The following GREB1L variants were observed in gnomAD, a reference collection of about 807,000 sequenced individuals.
GREB1L encodes GREB1-like protein.
Under a neutral mutation model 200.8 loss-of-function variants are expected in GREB1L, and 17 were observed. That is an observed-to-expected ratio of 0.08 (90% CI 0.06 to 0.13). The LOEUF (loss-of-function observed/expected upper bound fraction) is 0.13. Ranked by LOEUF, GREB1L falls within the 10% of genes least tolerant of loss-of-function variation. The pLI is 1.00. For synonymous variants in GREB1L, 789 were observed against 893.0 expected, an observed-to-expected ratio of 0.88 and a Z score of 2.08; for missense variants, 1,657 against 2,367.7, an observed-to-expected ratio of 0.70 and a Z score of 6.23.
intron 4 of GREB1L, among the ~76,000 whole-genome samples, chr18:21,387,902 C>T (rs2040610996): frequency 6.6e-6 from 1 of 152,098 alleles, no homozygotes; most frequent in South Asian, 2.1e-4. Context: ...TTAAATATTG[C>T]TGTTTGCATA....
chr18:21,520,539 C>A, intron 31 of GREB1L, 149 bp from the exon 32 acceptor site: 1 of 823,226 alleles, frequency 1.2e-6, no homozygotes, highest in Non-Finnish European at 1.9e-6. Flanking sequence ...CTTAACTAAC[C>A]AAGCCATTTA....
chr18:21,324,075 A>T (rs1460211790), intron 1 of GREB1L, among the ~76,000 whole-genome samples: 3 of 152,192 alleles, frequency 2.0e-5, no homozygotes, highest in Admixed American at 6.5e-5. Context: ...TGGGTATTTG[A>T]TTACTTTTAG....
chr18:21,488,565 A>G (rs949990137), intron 18 of GREB1L, among the ~76,000 whole-genome samples: 2 of 152,342 alleles, frequency 1.3e-5, no homozygotes, highest in Admixed American at 6.5e-5. Context: ...AAGAAAGTGC[A>G]CAGCCCCAGC....
At chr18:21,422,282 G>T (rs2032219440) in intron 7 of GREB1L, among the ~76,000 whole-genome samples, 2 of 152,054 alleles carry the variant, frequency 1.3e-5, no homozygotes, top group Non-Finnish European at 2.9e-5. Context: ...ATATTTAGGG[G>T]CTACTCCCAA....
intron 27 of GREB1L, among the ~76,000 whole-genome samples, chr18:21,509,192 T>C (rs1215474341): frequency 6.6e-6 from 1 of 152,258 alleles, no homozygotes; most frequent in African/African-American, 2.4e-5. Flanking sequence ...AGACTGTAGA[T>C]GTCAGAATGC....
chr18:21,418,483 G>A (rs903147228), intron 7 of GREB1L, among the ~76,000 whole-genome samples: 6 of 151,804 alleles, frequency 4.0e-5, no homozygotes, highest in African/African-American at 1.5e-4. Context: ...TTTTATTGTT[G>A]TATTTTTATT....
intron 2 of GREB1L, 46 bp from the exon 3 acceptor site, chr18:21,383,464 A>G: frequency 1.5e-6 from 2 of 1,372,132 alleles, no homozygotes; most frequent in Non-Finnish European, 1.9e-6. Flanking sequence ...TAGAACCTCT[A>G]ATTATATCAA....
intron 1 of GREB1L, among the ~76,000 whole-genome samples, chr18:21,310,026 A>C (rs1006295856): frequency 6.6e-6 from 1 of 152,234 alleles, no homozygotes; most frequent in Non-Finnish European, 1.5e-5. Context: ...AAAATGTTCT[A>C]TACAGTAGTC....
chr18:21,404,145 G>A (rs1410434485), intron 7 of GREB1L, among the ~76,000 whole-genome samples, 151 bp downstream of exon 7: 10 of 152,206 alleles, frequency 6.6e-5, no homozygotes, highest in Non-Finnish European at 1.0e-4. Context: ...ATTCAGCCTT[G>A]AGATGGGTTA....
chr18:21,296,666 T>G (rs1023195795), intron 1 of GREB1L, among the ~76,000 whole-genome samples: 6 of 151,904 alleles, frequency 3.9e-5, no homozygotes, highest in East Asian at 1.9e-4. Flanking sequence ...TTTGTTTTTT[T>G]TTTTTTGAGA....
At position 21,440,352 on chromosome 18, in the gene GREB1L, G is replaced by A. The variant is rs2145246090; in HGVS notation, c.1033G>A (p.Val345Ile). The A allele has an allele frequency of 6.4e-7, 1 of 1,551,746 alleles. No homozygotes were observed. Among genetic ancestry groups the A allele is most frequent in the East Asian group, 2.4e-5 (1 of 40,906 alleles). Residue 345 changes from valine to isoleucine, a missense_variant, in exon 9 of 33, where the codon GTA becomes ATA. Val to Ile is a conservative substitution (Grantham distance 29). Coordinates refer to ENST00000424526, the MANE Select transcript of GREB1L (RefSeq NM_001142966.3). ...ACCTCTCCCCCAACCTGGCTTAGTT[G>A]TACCTGTCCCTACAGTTCGCCCTCT... ...GSPLPQPGLV[V>I]PVPTVRPLSR...
chr18:21,311,825 GT>G (rs566588553), intron 1 of GREB1L, among the ~76,000 whole-genome samples: 22 of 151,088 alleles, frequency 1.5e-4, no homozygotes, highest in African/African-American at 2.2e-4. Context: ...TGGCAGAGAG[GT>G]TTTTTTTTAA....
intron 15 of GREB1L, among the ~76,000 whole-genome samples, chr18:21,462,996 A>G (rs767238774): frequency 2.6e-4 from 39 of 152,176 alleles, no homozygotes; most frequent in Admixed American, 2.1e-3. Flanking sequence ...TTAATGTGAC[A>G]TATCCTATGG....
At chr18:21,359,104 T>C (rs1446232508) in intron 1 of GREB1L, among the ~76,000 whole-genome samples, 3 of 152,236 alleles carry the variant, frequency 2.0e-5, no homozygotes, top group Non-Finnish European at 4.4e-5. Context: ...CCATGGTTAC[T>C]CGGGCAGATT....
chr18:21,396,188 G>A (rs2041058016), intron 5 of GREB1L, among the ~76,000 whole-genome samples: 1 of 151,764 alleles, frequency 6.6e-6, no homozygotes, highest in South Asian at 2.1e-4. Context: ...GGGATTACAG[G>A]CGCCCACCAT....
intron 10 of GREB1L, 100 bp from the exon 11 acceptor site, chr18:21,444,124 G>C: frequency 1.3e-6 from 1 of 763,052 alleles, no homozygotes. Context: ...CAGAGGGCAG[G>C]GAATTTTGTT....
intron 1 of GREB1L, among the ~76,000 whole-genome samples, chr18:21,280,397 T>C (rs1241688935): frequency 3.3e-5 from 5 of 152,080 alleles, no homozygotes; most frequent in African/African-American, 4.8e-5. Flanking sequence ...CTTTCTTTTT[T>C]TTTTTTTTTA....
At chr18:21,382,287 G>A (rs886246767) in intron 2 of GREB1L, among the ~76,000 whole-genome samples, 4 of 151,892 alleles carry the variant, frequency 2.6e-5, no homozygotes, top group Admixed American at 6.6e-5. Context: ...GTTGCACTGA[G>A]CCAAGATTGT....
At position 21,441,404 on chromosome 18, in the gene GREB1L, C is replaced by T; in HGVS notation, c.1074C>T (p.Pro358=). 1 of 1,528,392 alleles carries T rather than the reference C, an allele frequency of 6.5e-7. No homozygotes were observed. The allele number at this position is 1,528,392 out of a possible 1,614,324, so 94.7% of individuals were successfully genotyped here. Residue 358 remains proline (P), a synonymous_variant, in exon 10 of 33, where the codon CCC becomes CCT. Coordinates refer to ENST00000424526, the MANE Select transcript of GREB1L (RefSeq NM_001142966.3). ...GTCAAACTTTTTTTTTTCCAGAGCC[C>T]CTTTTATCTGCCCCAGTTCCACAGA... is the stretch of plus-strand genomic sequence containing the variant. The part of the protein sequence containing the change: ...PTVRPLSRTE[P]LLSAPVPQTP...
Sources: allele counts gnomAD v4.1 joint callset (sites outside exome capture counted in the v4.1 genomes callset), GRCh38; gene constraint gnomAD v4.1.1; transcripts MANE v1.5; gene names NCBI Gene and HGNC (gene_info 2026-07-23, HGNC 2026-07-21).